The following PBX4 variants were observed in gnomAD, a reference collection of about 807,000 sequenced individuals.
The protein encoded by PBX4 is pre-B-cell leukemia transcription factor 4.
A neutral mutation model predicts 35.1 loss-of-function variants in PBX4; 26 were observed. The ratio of observed to expected loss-of-function variants is 0.74; its 90% CI spans 0.54 to 1.03. The LOEUF (loss-of-function observed/expected upper bound fraction) is 1.03. Ranked by LOEUF, PBX4 falls within the 50% of genes least tolerant of loss-of-function variation. The pLI, the probability that PBX4 is intolerant of heterozygous loss-of-function variation, is 0.00. For synonymous variants in PBX4, 199 were observed against 204.2 expected (o/e 0.97, Z 0.22); for missense variants, 448 against 504.3 (o/e 0.89, Z 1.07).
At chr19:19,601,912 G>A (rs1485154728) in intron 1 of PBX4, among the ~76,000 whole-genome samples, 1 of 152,116 alleles carries the variant, frequency 6.6e-6, no homozygotes, top group East Asian at 1.9e-4. Flanking sequence ...GCCGAGGCAG[G>A]CAGATCGCTG....
chr19:19,617,652 C>T (rs2061695217), intron 1 of PBX4, among the ~76,000 whole-genome samples: 1 of 152,074 alleles, frequency 6.6e-6, no homozygotes, highest in Admixed American at 6.6e-5. Context: ...TGTCAGCACC[C>T]GGTTCCCTAT....
chr19:19,618,429 T>A (rs2061699349), intron 1 of PBX4, 82 bp downstream of exon 1: 3 of 1,264,390 alleles, frequency 2.4e-6, no homozygotes. Context: ...CTCGTCAGTC[T>A]GGCCTCCACG....
intron 2 of PBX4, among the ~76,000 whole-genome samples, chr19:19,574,408 G>A (rs529489530): frequency 5.1e-4 from 77 of 152,170 alleles, no homozygotes; most frequent in African/African-American, 8.2e-4. Flanking sequence ...CCTGCAGCCC[G>A]TGGCCACTGT....
intron 1 of PBX4, among the ~76,000 whole-genome samples, chr19:19,612,660 C>T (rs2061668795): frequency 6.6e-6 from 1 of 151,930 alleles, no homozygotes; most frequent in South Asian, 2.1e-4. Context: ...AACTTTAGGG[C>T]TTTGAGTTCA....
intron 1 of PBX4, among the ~76,000 whole-genome samples, chr19:19,600,280 G>T (rs992777225): frequency 6.6e-6 from 1 of 151,554 alleles, no homozygotes; most frequent in Non-Finnish European, 1.5e-5. Flanking sequence ...TAATCTCAAC[G>T]CTTTGGGAGG....
chr19:19,585,987 G>A (rs1157649731), intron 2 of PBX4, among the ~76,000 whole-genome samples: 1 of 152,192 alleles, frequency 6.6e-6, no homozygotes, highest in East Asian at 1.9e-4. Context: ...AAATGAAGAT[G>A]CTGGAACCAC....
intron 1 of PBX4, among the ~76,000 whole-genome samples, chr19:19,605,651 A>G (rs1342549968): frequency 6.6e-6 from 1 of 151,136 alleles, no homozygotes; most frequent in African/African-American, 2.4e-5. Flanking sequence ...AATAAATAAA[A>G]CAGAGACGGG....
At chr19:19,589,222 A>T (rs1156940437) in intron 2 of PBX4, among the ~76,000 whole-genome samples, 2 of 151,708 alleles carry the variant, frequency 1.3e-5, no homozygotes, top group Non-Finnish European at 2.9e-5. Context: ...AGGTCAGGAG[A>T]TCGAGACCAT....
At chr19:19,611,120 A>AT (rs2061660808) in intron 1 of PBX4, among the ~76,000 whole-genome samples, 1 of 152,302 alleles carries the variant, frequency 6.6e-6, no homozygotes, top group Admixed American at 6.5e-5. Context: ...CAGAACATAC[A>AT]TAAGTATACA....
chr19:19,594,842 C>T (rs1338311855), intron 2 of PBX4, among the ~76,000 whole-genome samples: 1 of 152,120 alleles, frequency 6.6e-6, no homozygotes, highest in Non-Finnish European at 1.5e-5. Context: ...CTGCCTCAGC[C>T]TCCTGAGTAA....
intron 2 of PBX4, chr19:19,588,298 C>T: frequency 8.9e-7 from 1 of 1,122,562 alleles, no homozygotes; most frequent in Non-Finnish European, 1.4e-6. Flanking sequence ...CACCAGAGTG[C>T]AGGGACGCAC....
At chr19:19,575,414 C>A (rs760479284) in intron 2 of PBX4, among the ~76,000 whole-genome samples, 1 of 152,188 alleles carries the variant, frequency 6.6e-6, no homozygotes, top group South Asian at 2.1e-4. Flanking sequence ...AGGTAAAGGC[C>A]GCTCCCAGAA....
chr19:19,577,995 T>G (rs1600409976), intron 2 of PBX4, among the ~76,000 whole-genome samples: 1 of 127,806 alleles, frequency 7.8e-6, no homozygotes, highest in East Asian at 2.2e-4. Flanking sequence ...CTGGCCAACA[T>G]GGTGAAAACC....
At chr19:19,601,912 G>C (rs1485154728) in intron 1 of PBX4, among the ~76,000 whole-genome samples, 1 of 152,116 alleles carries the variant, frequency 6.6e-6, no homozygotes, top group Non-Finnish European at 1.5e-5. Flanking sequence ...GCCGAGGCAG[G>C]CAGATCGCTG....
chr19:19,568,247 G>A (rs1264017984), intron 5 of PBX4, among the ~76,000 whole-genome samples: 3 of 142,816 alleles, frequency 2.1e-5, no homozygotes, highest in African/African-American at 2.6e-5. Flanking sequence ...CCCTCAGGGA[G>A]CTCACACTCC....
chr19:19,588,471 G>A, intron 2 of PBX4: 3 of 739,714 alleles, frequency 4.1e-6, no homozygotes. Context: ...TAGAGACAGG[G>A]TTTCACCATG....
chr19:19,576,150 G>A (rs1027215316), intron 2 of PBX4, among the ~76,000 whole-genome samples: 2 of 152,194 alleles, frequency 1.3e-5, no homozygotes, highest in Non-Finnish European at 2.9e-5. Flanking sequence ...AGCACTTTGG[G>A]AGGCTGAGGT....
rs1387587008 is a variant in PBX4, at chr19:19,573,328, T to TACACACACAC, written c.194-2496_194-2495insGTGTGTGTGT. The stretch of plus-strand genomic sequence containing the variant: ...CTCCAAAAAAAAGAAAAAAAAAAAA[T>TACACACACAC]ATACACACACACACACACACACACA... On this transcript the variant is annotated intron_variant, in intron 2 of 7. Transcript: ENST00000251203. Among the ~76,000 whole-genome samples the TACACACACAC allele has an allele frequency of 3.6e-3, 327 of 92,100 alleles. 2 individuals carry two copies. The highest frequency in any genetic ancestry group is 1.0e-2 in the East Asian group (30 of 3,004). 60.4% of individuals were successfully genotyped at this position (92,100 alleles called of 152,430 possible).
At chr19:19,566,339 G>A (rs1160253094) in intron 5 of PBX4, among the ~76,000 whole-genome samples, 1 of 152,168 alleles carries the variant, frequency 6.6e-6, no homozygotes, top group African/African-American at 2.4e-5. Flanking sequence ...CCCTTCTCTA[G>A]TCGTGACAAC....
Sources: allele counts gnomAD v4.1 joint callset (sites outside exome capture counted in the v4.1 genomes callset), GRCh38; gene constraint gnomAD v4.1.1; transcripts MANE v1.5; gene names NCBI Gene and HGNC (gene_info 2026-07-23, HGNC 2026-07-21).